Variants in ADA observed in about 807,000 individuals in gnomAD.
The protein encoded by ADA is adenosine deaminase.
A neutral mutation model predicts 49.0 loss-of-function variants in ADA; 45 were observed. That is an observed-to-expected ratio of 0.92 (90% CI 0.72 to 1.18). The LOEUF is 1.18. ADA is among the 50% of genes most tolerant of loss of function. The pLI is 0.00. For synonymous variants in ADA, 173 were observed against 184.2 expected, an observed-to-expected ratio of 0.94 and a Z score of 0.49; for missense variants, 445 against 472.5, an observed-to-expected ratio of 0.94 and a Z score of 0.54.
At chr20:44,624,142 T>A in intron 6 of ADA, 60 bp downstream of exon 6, 1 of 1,555,096 alleles carries the variant, frequency 6.4e-7, no homozygotes, top group Non-Finnish European at 8.7e-7. Flanking sequence ...TTCTCCCAAC[T>A]ATGGGTGGGA....
intron 1 of ADA, among the ~76,000 whole-genome samples, chr20:44,650,193 G>C (rs1009070770): frequency 1.3e-5 from 2 of 152,194 alleles, no homozygotes; most frequent in African/African-American, 4.8e-5. Flanking sequence ...AGGCAGGGGT[G>C]GGGGTAGGAG....
chr20:44,622,497 G>A (rs950612454), intron 9 of ADA, 91 bp downstream of exon 9: 153 of 1,456,104 alleles, frequency 1.1e-4, no homozygotes, highest in Non-Finnish European at 1.3e-4. Context: ...TCTAAAAGAC[G>A]CGGCATGGGC....
At chr20:44,628,525 CAATAAATAAATAAATA>C (rs3091476) in intron 3 of ADA, among the ~76,000 whole-genome samples, 9 of 149,260 alleles carry the variant, frequency 6.0e-5, no homozygotes, top group South Asian at 2.1e-4. Flanking sequence ...GACTCTGTCT[CAATAAATAAATAAATA>C]AATAAATAAA....
intron 9 of ADA, among the ~76,000 whole-genome samples, chr20:44,621,701 C>A (rs2065333922): frequency 6.6e-6 from 1 of 152,192 alleles, no homozygotes; most frequent in Non-Finnish European, 1.5e-5. Context: ...TGACACCACA[C>A]TTTTGACTTT....
chr20:44,620,149 G>A (rs984258683), intron 11 of ADA, 150 bp downstream of exon 11: 11 of 800,074 alleles, frequency 1.4e-5, no homozygotes, highest in Admixed American at 2.0e-5. Flanking sequence ...CTAATGAGAC[G>A]CTGCTCCCAG....
intron 9 of ADA, among the ~76,000 whole-genome samples, chr20:44,622,153 A>G (rs2065338049): frequency 6.6e-6 from 1 of 152,230 alleles, no homozygotes; most frequent in African/African-American, 2.4e-5. Context: ...GGCAGGGTGG[A>G]ACAGACCCTC....
chr20:44,629,861 C>T (rs936766861), intron 2 of ADA, among the ~76,000 whole-genome samples: 1 of 152,190 alleles, frequency 6.6e-6, no homozygotes, highest in Non-Finnish European at 1.5e-5. Flanking sequence ...TCTCCCCAAG[C>T]ATCTCGGCCT....
chr20:44,633,369 G>A (rs2065450967), intron 2 of ADA, among the ~76,000 whole-genome samples: 1 of 152,226 alleles, frequency 6.6e-6, no homozygotes, highest in Non-Finnish European at 1.5e-5. Flanking sequence ...CCTTGGGCAA[G>A]TAACCCAGAC....
chr20:44,643,696 C>T (rs1274025915), intron 1 of ADA, among the ~76,000 whole-genome samples: 2 of 152,184 alleles, frequency 1.3e-5, no homozygotes, highest in Admixed American at 6.5e-5. Flanking sequence ...GCCTCCTGAC[C>T]TCTCCAGAGG....
chr20:44,635,861 G>A (rs1418276771), intron 2 of ADA, among the ~76,000 whole-genome samples: 1 of 151,916 alleles, frequency 6.6e-6, no homozygotes, highest in African/African-American at 2.4e-5. Context: ...TCATGCCACT[G>A]CACTCCAGCC....
At chr20:44,649,398 C>T (rs535368539) in intron 1 of ADA, among the ~76,000 whole-genome samples, 6 of 152,132 alleles carry the variant, frequency 3.9e-5, no homozygotes, top group Non-Finnish European at 4.4e-5. Flanking sequence ...AGATTTGTCA[C>T]GCCTCAAACA....
In ADA at chr20:44,625,660, C is replaced by T. The variant is rs1288730009; in HGVS notation, c.387G>A (p.Val129=). ...GCAGGCCCTGGCCCACTAGGGCCAC[C>T]ACCTCGTCTGGGGTGAGGTCCCCTC... ...QAEGDLTPDE[V]VALVGQGLQE... The change falls in exon 5 of 12, where the codon GTG becomes GTA. Residue 129 remains valine (V), a synonymous_variant. Coordinates refer to ENST00000372874, the MANE Select transcript of ADA (RefSeq NM_000022.4). The T allele has an allele frequency of 2.6e-6, 4 of 1,568,496 alleles. No homozygotes were observed. The highest frequency in any genetic ancestry group is 3.5e-6 in the Non-Finnish European group (4 of 1,155,914).
At chr20:44,622,728 G>T in intron 8 of ADA, 76 bp from the exon 9 acceptor site, 1 of 1,613,404 alleles carries the variant, frequency 6.2e-7, no homozygotes, top group South Asian at 1.1e-5. Context: ...TGGGCCTGGG[G>T]CCACCCCTCG....
At chr20:44,629,625 G>A (rs1380544800) in intron 2 of ADA, among the ~76,000 whole-genome samples, 1 of 152,164 alleles carries the variant, frequency 6.6e-6, no homozygotes, top group East Asian at 1.9e-4. Context: ...CCAGGGTAGG[G>A]GCAGGCATCA....
chr20:44,636,533 G>A (rs1234434727), intron 1 of ADA, among the ~76,000 whole-genome samples: 1 of 152,146 alleles, frequency 6.6e-6, no homozygotes, highest in African/African-American at 2.4e-5. Flanking sequence ...AGGACACTGA[G>A]GTTCGGAGGT....
At chr20:44,620,254 G>A (rs763126339) in intron 11 of ADA, 45 bp downstream of exon 11, 79 of 1,535,236 alleles carry the variant, frequency 5.1e-5, no homozygotes, top group Non-Finnish European at 6.6e-5. Context: ...AGCCACACTG[G>A]GGCCAGGACA....
chr20:44,625,254 C>T (rs773788609), intron 5 of ADA, among the ~76,000 whole-genome samples: 4 of 152,070 alleles, frequency 2.6e-5, no homozygotes, highest in Admixed American at 6.6e-5. Context: ...CACTGGGTCT[C>T]GAGGGAGGAC....
chr20:44,647,641 G>A (rs1191704999), intron 1 of ADA, among the ~76,000 whole-genome samples: 1 of 152,022 alleles, frequency 6.6e-6, no homozygotes, highest in East Asian at 1.9e-4. Context: ...TTACTAGCCG[G>A]GCACAGTGGC....
At chr20:44,634,975 C>T (rs924607155) in intron 2 of ADA, among the ~76,000 whole-genome samples, 34 of 152,222 alleles carry the variant, frequency 2.2e-4, no homozygotes, top group African/African-American at 7.0e-4. Flanking sequence ...CACAGGTCTG[C>T]GGGGGCAGGG....
Sources: allele counts gnomAD v4.1 joint callset (sites outside exome capture counted in the v4.1 genomes callset), GRCh38; gene constraint gnomAD v4.1.1; transcripts MANE v1.5; gene names NCBI Gene and HGNC (gene_info 2026-07-23, HGNC 2026-07-21).